Variants in SRGAP3 observed in about 807,000 individuals in gnomAD.
The protein encoded by SRGAP3 is SLIT-ROBO Rho GTPase-activating protein 3.
Under a neutral mutation model 121.1 loss-of-function variants are expected in SRGAP3, and 39 were observed. The observed-to-expected ratio is 0.32, with a 90% CI of 0.25 to 0.42. SRGAP3 has a LOEUF of 0.42. Ranked by LOEUF, SRGAP3 falls within the 10% of genes least tolerant of loss-of-function variation. The probability of loss-of-function intolerance (pLI) is 1.00; values close to 1 mark genes in which losing one functional copy is unlikely to be tolerated. For synonymous variants in SRGAP3, 601 were observed against 570.0 expected (o/e 1.05, Z -0.77); for missense variants, 1,213 against 1,470.6 (o/e 0.82, Z 2.86).
intron 14 of SRGAP3, among the ~76,000 whole-genome samples, chr3:9,020,217 T>A (rs1943847549): frequency 6.9e-6 from 1 of 144,788 alleles, no homozygotes; most frequent in East Asian, 1.9e-4. Flanking sequence ...GATTTTTTGA[T>A]CTGTCTGTCT....
intron 1 of SRGAP3, among the ~76,000 whole-genome samples, chr3:9,221,986 C>A (rs1219753836): frequency 6.6e-6 from 1 of 152,168 alleles, no homozygotes; most frequent in Non-Finnish European, 1.5e-5. Flanking sequence ...ACTGTAGTAG[C>A]CCCTCTCCTT....
At chr3:9,343,095 T>A (rs771180776) in intron 1 of SRGAP3, among the ~76,000 whole-genome samples, 17 of 152,240 alleles carry the variant, frequency 1.1e-4, no homozygotes, top group Non-Finnish European at 2.2e-4. Context: ...CATGCAAAAT[T>A]AAATTTATTG....
intron 1 of SRGAP3, among the ~76,000 whole-genome samples, chr3:9,340,075 G>C (rs975069117): frequency 7.9e-5 from 12 of 152,098 alleles, no homozygotes; most frequent in Non-Finnish European, 2.9e-5. Flanking sequence ...AAGCAGTTCA[G>C]GCACCAAATT....
At chr3:9,040,218 A>G (rs192097027) in intron 10 of SRGAP3, among the ~76,000 whole-genome samples, 9 of 152,332 alleles carry the variant, frequency 5.9e-5, no homozygotes, top group Admixed American at 3.9e-4. Context: ...TGTAAATCAG[A>G]TCATGTCCTT....
Position 9,279,574 on chromosome 3 carries a change from C to T in SRGAP3, n.442+46436G>A, listed in dbSNP as rs556377464. ...TGTTGCCCAGGCTGGAGTGCAGTGG[C>T]GCAATCTCGGCTCACAGCCACCTCA... On this transcript the variant is annotated intron_variant and non_coding_transcript_variant, in intron 3 of 3. Transcript: ENST00000490889. Among the ~76,000 whole-genome samples, 9 of 142,652 alleles carry T rather than the reference C, an allele frequency of 6.3e-5. No homozygotes were observed. The East Asian group carries it at 1.6e-3, about 26-fold the overall frequency. 93.6% of individuals were successfully genotyped at this position (142,652 alleles called of 152,430 possible).
At chr3:9,012,781 C>G (rs1426527146) in intron 17 of SRGAP3, among the ~76,000 whole-genome samples, 1 of 152,148 alleles carries the variant, frequency 6.6e-6, no homozygotes, top group Non-Finnish European at 1.5e-5. Context: ...GATTACTTCA[C>G]CAGGCCCAAA....
intron 1 of SRGAP3, among the ~76,000 whole-genome samples, chr3:9,216,114 A>G (rs1052760812): frequency 6.6e-6 from 1 of 151,716 alleles, no homozygotes. Context: ...ATGCACACTC[A>G]GAGGGCCTGA....
rs916860965 is a variant in SRGAP3, at chr3:9,064,459, G to C, written c.609C>G (p.Leu203=). 1.9e-6 allele frequency: 3 copies of C among 1,614,096 alleles called. No individual in the cohort carries two copies. The highest frequency in any genetic ancestry group is 1.3e-5 in the African/African-American group (1 of 74,936). The change falls in exon 5 of 22, where the codon CTC becomes CTG. Residue 203 remains leucine (L), a synonymous_variant. Transcript: ENST00000383836. ...GGCGCTGGGGCCGGTCCTCGTGCCGGAGCAGGTTCATGCTGAGGTCTCCTG... is the reference window on the plus strand; with the variant it reads ...GGCGCTGGGGCCGGTCCTCGTGCCGCAGCAGGTTCATGCTGAGGTCTCCTG... The part of the protein sequence containing the change: ...NKSGDLSMNL[L]RHEDRPQRRS...
chr3:9,226,798 C>G (rs1391988402), intron 1 of SRGAP3, among the ~76,000 whole-genome samples: 2 of 152,170 alleles, frequency 1.3e-5, no homozygotes, highest in African/African-American at 4.8e-5. Flanking sequence ...AGATTGTTTT[C>G]AGAGGACCAT....
chr3:9,069,946 CA>C (rs200568945), intron 4 of SRGAP3, among the ~76,000 whole-genome samples: 4 of 150,344 alleles, frequency 2.7e-5, no homozygotes, highest in African/African-American at 7.3e-5. Flanking sequence ...GACTCCATCT[CA>C]AAAAAAAAGA....
At chr3:9,139,404 G>A (rs1949772418) in intron 1 of SRGAP3, among the ~76,000 whole-genome samples, 1 of 152,204 alleles carries the variant, frequency 6.6e-6, no homozygotes, top group Non-Finnish European at 1.5e-5. Context: ...CCTTACAGGA[G>A]AGAGAGGGGA....
At chr3:9,268,148 C>A (rs1954400595) in intron 3 of SRGAP3, among the ~76,000 whole-genome samples, 4 of 152,128 alleles carry the variant, frequency 2.6e-5, no homozygotes, top group Admixed American at 2.6e-4. Flanking sequence ...GCTGTGTCCT[C>A]CCCAGATTCA....
intron 3 of SRGAP3, among the ~76,000 whole-genome samples, chr3:9,088,722 T>G (rs1560118659): frequency 6.6e-6 from 1 of 152,216 alleles, no homozygotes; most frequent in African/African-American, 2.4e-5. Context: ...GTTTGGCCAT[T>G]CAGTGCTTTC....
intron 1 of SRGAP3, among the ~76,000 whole-genome samples, chr3:9,233,209 A>G (rs1026759907): frequency 2.6e-5 from 4 of 152,220 alleles, no homozygotes; most frequent in African/African-American, 9.6e-5. Flanking sequence ...CCTCTTTCAC[A>G]TGAGGAAACT....
At chr3:9,298,885 C>A (rs1199441204) in intron 3 of SRGAP3, among the ~76,000 whole-genome samples, 1 of 151,748 alleles carries the variant, frequency 6.6e-6, no homozygotes, top group Non-Finnish European at 1.5e-5. Flanking sequence ...AACCCCATCT[C>A]TACTAAAAAT....
chr3:9,237,000 T>C (rs1413142108), intron 1 of SRGAP3, among the ~76,000 whole-genome samples: 1 of 152,222 alleles, frequency 6.6e-6, no homozygotes. Flanking sequence ...ATCGGCCACC[T>C]GTTCACTTCA....
chr3:9,146,095 T>C (rs1372123309), intron 1 of SRGAP3, among the ~76,000 whole-genome samples: 1 of 152,198 alleles, frequency 6.6e-6, no homozygotes, highest in African/African-American at 2.4e-5. Context: ...AGTGAATCGG[T>C]AGAAGAGACT....
intron 1 of SRGAP3, among the ~76,000 whole-genome samples, chr3:9,226,246 G>A (rs1952985955): frequency 6.6e-6 from 1 of 152,176 alleles, no homozygotes; most frequent in Non-Finnish European, 1.5e-5. Context: ...GCCTCTTCAG[G>A]GAGTCCTGCT....
chr3:9,360,864 T>C (rs1258685822), intron 1 of SRGAP3, among the ~76,000 whole-genome samples: 1 of 152,200 alleles, frequency 6.6e-6, no homozygotes, highest in African/African-American at 2.4e-5. Flanking sequence ...AGCTAAAACA[T>C]ACCAGGGCAT....
Sources: allele counts gnomAD v4.1 joint callset (sites outside exome capture counted in the v4.1 genomes callset), GRCh38; gene constraint gnomAD v4.1.1; transcripts MANE v1.5; gene names NCBI Gene and HGNC (gene_info 2026-07-23, HGNC 2026-07-21).